RPTOR: variants seen among roughly 807,000 people sequenced by gnomAD.
RPTOR encodes regulatory associated protein of MTOR complex 1, also known as regulatory-associated protein of mTOR.
A neutral mutation model predicts 169.9 loss-of-function variants in RPTOR; 21 were observed. The ratio of observed to expected loss-of-function variants is 0.12; its 90% CI spans 0.09 to 0.18. RPTOR has a LOEUF of 0.18. Ranked by LOEUF, RPTOR falls within the 10% of genes least tolerant of loss-of-function variation. The pLI is 1.00. For synonymous variants in RPTOR, 732 were observed against 753.2 expected (o/e 0.97, Z 0.46); for missense variants, 1,133 against 1,855.9 (o/e 0.61, Z 7.16).
intron 9 of RPTOR, among the ~76,000 whole-genome samples, chr17:80,826,294 C>T (rs145210652): frequency 2.0e-5 from 3 of 152,336 alleles, no homozygotes; most frequent in South Asian, 2.1e-4. Flanking sequence ...GCGGAGGAAG[C>T]GCAGTGCAGA....
intron 6 of RPTOR, among the ~76,000 whole-genome samples, chr17:80,756,214 C>T (rs1414075329): frequency 6.6e-6 from 1 of 152,200 alleles, no homozygotes; most frequent in African/African-American, 2.4e-5. Flanking sequence ...GTGATAAAAG[C>T]AAGCCCAGCC....
At chr17:80,771,843 G>C (rs4969256) in intron 6 of RPTOR, among the ~76,000 whole-genome samples, 1 of 152,026 alleles carries the variant, frequency 6.6e-6, no homozygotes, top group African/African-American at 2.4e-5. Flanking sequence ...TGACGTGCCC[G>C]TCTTCTCGCT....
intron 1 of RPTOR, among the ~76,000 whole-genome samples, chr17:80,566,596 G>C (rs1351992365): frequency 6.6e-6 from 1 of 151,740 alleles, no homozygotes; most frequent in Non-Finnish European, 1.5e-5. Context: ...CGAGGCAGGC[G>C]GATCATGAGG....
intron 3 of RPTOR, among the ~76,000 whole-genome samples, chr17:80,684,670 C>T (rs2065923588): frequency 6.6e-6 from 1 of 152,138 alleles, no homozygotes; most frequent in East Asian, 1.9e-4. Flanking sequence ...TGGTCTCGAT[C>T]TCCTGACCTC....
At chr17:80,797,455 T>TTGCA (rs1418740561) in intron 7 of RPTOR, among the ~76,000 whole-genome samples, 2 of 152,244 alleles carry the variant, frequency 1.3e-5, no homozygotes, top group Non-Finnish European at 2.9e-5. Flanking sequence ...GCCATGTCTT[T>TTGCA]TGCATATTGT....
At chr17:80,927,724 G>A (rs980787887) in intron 24 of RPTOR, among the ~76,000 whole-genome samples, 2 of 61,856 alleles carry the variant, frequency 3.2e-5, no homozygotes, top group African/African-American at 1.8e-4. Flanking sequence ...GTGTGTGTCT[G>A]TGTGTTTCTG....
At chr17:80,738,653 G>A (rs1217800618) in intron 5 of RPTOR, among the ~76,000 whole-genome samples, 1 of 152,180 alleles carries the variant, frequency 6.6e-6, no homozygotes, top group Admixed American at 6.5e-5. Flanking sequence ...CAGCGGCCTT[G>A]ACAATCATGT....
intron 4 of RPTOR, among the ~76,000 whole-genome samples, chr17:80,718,131 A>G (rs893176632): frequency 6.6e-6 from 1 of 152,198 alleles, no homozygotes; most frequent in Non-Finnish European, 1.5e-5. Context: ...CCCTGTGTGT[A>G]CAGCTCATGG....
At chr17:80,863,353 T>A (rs2067942148) in intron 13 of RPTOR, among the ~76,000 whole-genome samples, 2 of 152,018 alleles carry the variant, frequency 1.3e-5, no homozygotes. Context: ...AGCCAGAAAT[T>A]ACCAGGCAGA....
At chr17:80,870,922 A>C (rs540809141) in intron 13 of RPTOR, among the ~76,000 whole-genome samples, 5 of 152,204 alleles carry the variant, frequency 3.3e-5, no homozygotes, top group Non-Finnish European at 7.4e-5. Flanking sequence ...TGATACTCTC[A>C]TCAGATTTTC....
In RPTOR at chr17:80,853,209, C is replaced by T. The variant is rs554522835; in HGVS notation, c.1315-2255C>T. On this transcript the variant is annotated intron_variant, in intron 11 of 33. Transcript: ENST00000306801. ...ACCTCTCTGCATGCCGTCGGCGGGGCCTTTCCCTATCCGGCCCCTCCCCCA... is the reference window on the plus strand; with the variant it reads ...ACCTCTCTGCATGCCGTCGGCGGGGTCTTTCCCTATCCGGCCCCTCCCCCA... Among the ~76,000 whole-genome samples, 14 of 152,218 alleles carry T rather than the reference C, an allele frequency of 9.2e-5. No homozygotes were observed. In the East Asian group the frequency reaches 2.7e-3, roughly 29 times the overall value.
chr17:80,872,627 T>A (rs980519433), intron 13 of RPTOR, among the ~76,000 whole-genome samples: 2 of 152,146 alleles, frequency 1.3e-5, no homozygotes, highest in African/African-American at 4.8e-5. Context: ...ATCAGCTGCC[T>A]CCGGGTTGCC....
chr17:80,805,498 A>C (rs949039638), intron 7 of RPTOR: 22 of 152,110 alleles, frequency 1.4e-4, no homozygotes, highest in African/African-American at 5.3e-4. Context: ...GCTTCTCAGG[A>C]GACTCTGCTT....
chr17:80,676,478 G>A (rs1308307704), intron 3 of RPTOR, among the ~76,000 whole-genome samples: 2 of 152,182 alleles, frequency 1.3e-5, no homozygotes, highest in South Asian at 2.1e-4. Context: ...GGACATCAGC[G>A]CTGTGGGTCG....
intron 6 of RPTOR, among the ~76,000 whole-genome samples, chr17:80,763,871 TA>T (rs2066759361): frequency 6.6e-6 from 1 of 152,176 alleles, no homozygotes; most frequent in South Asian, 2.1e-4. Flanking sequence ...TTATATTTTT[TA>T]TTTTTTTTTA....
At chr17:80,822,120 C>T in intron 7 of RPTOR, 81 bp from the exon 8 acceptor site, 1 of 1,349,788 alleles carries the variant, frequency 7.4e-7, no homozygotes, top group Non-Finnish European at 1.1e-6. Context: ...GCCGCCCGCG[C>T]CCTTTTTTCT....
chr17:80,653,820 G>A (rs2065659119), intron 3 of RPTOR, among the ~76,000 whole-genome samples: 1 of 152,166 alleles, frequency 6.6e-6, no homozygotes, highest in African/African-American at 2.4e-5. Flanking sequence ...TTGGGCCCAG[G>A]GGTCCCCACA....
In RPTOR at chr17:80,947,344, G is replaced by A. The variant is rs777092811; in HGVS notation, c.3258G>A (p.Thr1086=). The change falls in exon 27 of 34, where the codon ACG becomes ACA. Residue 1086 remains threonine (T), a synonymous_variant. Coordinates refer to ENST00000306801, the MANE Select transcript of RPTOR (RefSeq NM_020761.3). The surrounding 1 kb of genome is among the most constrained non-coding windows in gnomAD (Gnocchi z 4.4). Reference sequence around the variant, plus strand: ...GCCAGGACTGCTCGCTTCTGCTGACGGCCACAGGTGAGCGGGGTTTGCACA... The same window carrying A: ...GCCAGGACTGCTCGCTTCTGCTGACAGCCACAGGTGAGCGGGGTTTGCACA... The part of the protein sequence containing the change: ...LNGQDCSLLL[T]ATDDGAIRVW... 1.4e-5 allele frequency: 22 copies of A among 1,568,944 alleles called. No individual in the cohort carries two copies. Among genetic ancestry groups the A allele is most frequent in the South Asian group, 3.6e-5 (3 of 84,356 alleles).
At chr17:80,645,809 A>G (rs2065590867) in intron 3 of RPTOR, among the ~76,000 whole-genome samples, 1 of 152,036 alleles carries the variant, frequency 6.6e-6, no homozygotes, top group South Asian at 2.1e-4. Context: ...GTGTAGACTC[A>G]GTACAGGATG....
Sources: allele counts gnomAD v4.1 joint callset (sites outside exome capture counted in the v4.1 genomes callset), GRCh38; gene constraint gnomAD v4.1.1; non-coding constraint Gnocchi (gnomAD v3.1); transcripts MANE v1.5; gene names NCBI Gene and HGNC (gene_info 2026-07-23, HGNC 2026-07-21).